Variants in CSMD2 observed in about 807,000 individuals in gnomAD.
The protein encoded by CSMD2 is CUB and sushi domain-containing protein 2.
In CSMD2, 130 loss-of-function variants were observed where a neutral mutation model predicts 398.5. The observed-to-expected ratio is 0.33, with a 90% CI of 0.28 to 0.38. CSMD2 has a LOEUF of 0.38. Ranked by LOEUF, CSMD2 falls within the 10% of genes least tolerant of loss-of-function variation. CSMD2 has a pLI of 1.00. For missense variants in CSMD2, 3,829 were observed against 4,764.9 expected, an observed-to-expected ratio of 0.80 and a Z score of 5.78; for synonymous variants, 1,828 against 1,908.5, an observed-to-expected ratio of 0.96 and a Z score of 1.10.
chr1:34,043,321 C>A (rs781487631), intron 2 of CSMD2, among the ~76,000 whole-genome samples: 1 of 152,188 alleles, frequency 6.6e-6, no homozygotes, highest in Non-Finnish European at 1.5e-5. Flanking sequence ...ACCCAGGCGG[C>A]CTCCACCTTA....
rs374375956 is a variant in CSMD2, at chr1:33,672,069, C to T, written c.4053-8977G>A. ...CTCCCAGCATGAGTGATGCAGAAGA[C>T]GGGTGATTTCTGCATTTCCAACTGA... On this transcript the variant is annotated intron_variant, in intron 25 of 70. Transcript: ENST00000373381. 2.6e-4 allele frequency among the ~76,000 whole-genome samples: 39 copies of T among 152,244 alleles called. No individual in the cohort carries two copies. In the East Asian group the frequency reaches 3.1e-3, roughly 12 times the overall value.
rs11800811 is a variant in CSMD2 at position 33,812,412 on chromosome 1, C to G, written c.1325-1548G>C. 8.7e-3 allele frequency among the ~76,000 whole-genome samples: 1,328 copies of G among 152,340 alleles called. 16 individuals are homozygous for G. Among genetic ancestry groups the G allele is most frequent in the African/African-American group, 0.03 (1,233 of 41,582 alleles). On this transcript the variant is annotated intron_variant, in intron 9 of 70. Coordinates refer to ENST00000373381, the MANE Select transcript of CSMD2 (RefSeq NM_001281956.2). ...ATCTCCTCCTCCCTCATCCTGAGCTCAAGAATCTGTTCAATCAAGTTTGAA... is the reference window on the plus strand; with the variant it reads ...ATCTCCTCCTCCCTCATCCTGAGCTGAAGAATCTGTTCAATCAAGTTTGAA...
intron 55 of CSMD2, among the ~76,000 whole-genome samples, chr1:33,556,631 A>T (rs1376154285): frequency 6.6e-6 from 1 of 152,312 alleles, no homozygotes; most frequent in East Asian, 1.9e-4. Flanking sequence ...GCCAGGGACC[A>T]GATGTCAGGT....
At chr1:33,921,314 G>A (rs568958755) in intron 4 of CSMD2, among the ~76,000 whole-genome samples, 1 of 152,306 alleles carries the variant, frequency 6.6e-6, no homozygotes, top group East Asian at 1.9e-4. Context: ...TCTCTGGCAG[G>A]AGGCTATGAT....
chr1:34,094,724 A>G (rs1326117581), intron 1 of CSMD2, among the ~76,000 whole-genome samples: 1 of 152,242 alleles, frequency 6.6e-6, no homozygotes, highest in Non-Finnish European at 1.5e-5. Context: ...CTAAACATAT[A>G]TGCACCCAAT....
Position 33,567,795 on chromosome 1 carries a change from A to G in CSMD2, c.8178T>C (p.Asp2726=), listed in dbSNP as rs1374854190. Residue 2726 remains aspartate, a synonymous_variant, in exon 53 of 71, where the codon GAT becomes GAC. Coordinates refer to ENST00000373381, the MANE Select transcript of CSMD2 (RefSeq NM_001281956.2). ...TGGTGAGGGATGGGGAAGAGAGTACATCGAAGAGGAGCTTATAGAAAATGG... is the reference window on the plus strand; with the variant it reads ...TGGTGAGGGATGGGGAAGAGAGTACGTCGAAGAGGAGCTTATAGAAAATGG... ...LHSIFYKLLF[D]VLSSPSLTKA... The G allele has an allele frequency of 6.2e-7, 1 of 1,610,808 alleles. No homozygotes were observed. Among genetic ancestry groups the G allele is most frequent in the Non-Finnish European group, 8.5e-7 (1 of 1,178,326 alleles).
chr1:33,894,257 G>T (rs2281597), intron 5 of CSMD2, among the ~76,000 whole-genome samples: 1 of 151,972 alleles, frequency 6.6e-6, no homozygotes, highest in African/African-American at 2.4e-5. Flanking sequence ...ACTGCCTTTT[G>T]ATACACGTAC....
At chr1:33,694,516 G>A (rs1264736224) in intron 24 of CSMD2, among the ~76,000 whole-genome samples, 1 of 152,034 alleles carries the variant, frequency 6.6e-6, no homozygotes, top group Non-Finnish European at 1.5e-5. Context: ...GAGATCTGAT[G>A]GTTTTATAAG....
At chr1:33,798,730 T>A (rs115416508) in intron 10 of CSMD2, among the ~76,000 whole-genome samples, 3,167 of 152,242 alleles carry the variant, frequency 0.021, 110 homozygotes, top group African/African-American at 0.073. Flanking sequence ...TCCAAGAGCA[T>A]GAGGAGAAAT....
At chr1:33,626,920 C>A (rs571319915) in intron 32 of CSMD2, among the ~76,000 whole-genome samples, 1 of 152,082 alleles carries the variant, frequency 6.6e-6, no homozygotes, top group African/African-American at 2.4e-5. Context: ...ATGTGTGGAG[C>A]GACAGGGATG....
intron 3 of CSMD2, among the ~76,000 whole-genome samples, chr1:33,985,397 G>A (rs1327541874): frequency 1.3e-5 from 2 of 152,182 alleles, no homozygotes; most frequent in Admixed American, 6.5e-5. Flanking sequence ...GGACTGCGGT[G>A]GGCCAGGCCC....
At chr1:33,825,648 T>C (rs1424967678) in intron 7 of CSMD2, 49 bp downstream of exon 7, 30 of 1,531,600 alleles carry the variant, frequency 2.0e-5, no homozygotes, top group Non-Finnish European at 2.6e-5. Context: ...CCTGCACGTG[T>C]GACCTCAAGC....
At chr1:34,141,248 A>G (rs893929992) in intron 1 of CSMD2, among the ~76,000 whole-genome samples, 8 of 151,210 alleles carry the variant, frequency 5.3e-5, no homozygotes, top group African/African-American at 1.9e-4. Context: ...TCAACATCCC[A>G]TAAATATTCA....
At chr1:33,978,110 A>G in intron 3 of CSMD2, among the ~76,000 whole-genome samples, 2 of 152,192 alleles carry the variant, frequency 1.3e-5, no homozygotes, top group Middle Eastern at 6.8e-3. Context: ...CATTATATGG[A>G]TGAGGAACTT....
At chr1:33,945,560 G>A (rs987724553) in intron 3 of CSMD2, among the ~76,000 whole-genome samples, 1 of 152,120 alleles carries the variant, frequency 6.6e-6, no homozygotes, top group African/African-American at 2.4e-5. Context: ...TCCTAGGGTA[G>A]GACCTGAGAA....
At chr1:33,623,518 CCTT>C in intron 35 of CSMD2, 52 bp from the exon 36 acceptor site, 1 of 1,299,430 alleles carries the variant, frequency 7.7e-7, no homozygotes, top group Non-Finnish European at 1.1e-6. Context: ...GTCCCTCCCT[CCTT>C]CTCTGCTTTC....
chr1:33,714,898 G>A, intron 20 of CSMD2, 123 bp from the exon 21 acceptor site: 1 of 922,076 alleles, frequency 1.1e-6, no homozygotes, highest in South Asian at 1.6e-5. Context: ...ACAGAGAAGA[G>A]GGCATGCGCA....
At chr1:33,961,793 C>T (rs1645371151) in intron 3 of CSMD2, among the ~76,000 whole-genome samples, 1 of 152,140 alleles carries the variant, frequency 6.6e-6, no homozygotes, top group Admixed American at 6.5e-5. Flanking sequence ...CTTCCCTTCA[C>T]CTTCCCCCAT....
rs569660338 is a variant in CSMD2 at position 34,001,289 on chromosome 1, T to C, written c.517+31305A>G. On this transcript the variant is annotated intron_variant, in intron 3 of 70. Transcript: ENST00000373381. ...ATAATCGACAAAAACATCCCTGAAATAGTGAAAGTTGAATTTCAAGATCAA... is the reference window on the plus strand; with the variant it reads ...ATAATCGACAAAAACATCCCTGAAACAGTGAAAGTTGAATTTCAAGATCAA... Among the ~76,000 whole-genome samples the C allele has an allele frequency of 6.6e-5, 10 of 152,060 alleles. No homozygotes were observed. The South Asian group carries it at 1.0e-3, about 16-fold the overall frequency.
Sources: gnomAD v4.1 joint callset for allele counts (sites outside exome capture counted in the v4.1 genomes callset) on GRCh38, gnomAD v4.1.1 for gene constraint, MANE v1.5 for transcripts, NCBI Gene and HGNC (gene_info 2026-07-23, HGNC 2026-07-21) for gene names.